Variants in TACC1 observed in about 807,000 individuals in gnomAD.
The protein encoded by TACC1 is transforming acidic coiled-coil-containing protein 1.
A neutral mutation model predicts 84.4 loss-of-function variants in TACC1; 48 were observed. The observed-to-expected ratio is 0.57, with a 90% CI of 0.45 to 0.72. The LOEUF is 0.72. Ranked by LOEUF, TACC1 falls within the 30% of genes least tolerant of loss-of-function variation. TACC1 has a pLI of 0.00. For synonymous variants in TACC1, 372 were observed against 376.3 expected, an observed-to-expected ratio of 0.99 and a Z score of 0.13; for missense variants, 920 against 973.0, an observed-to-expected ratio of 0.95 and a Z score of 0.72.
At chr8:38,744,923 T>C (rs58723874) in exon 3 of TACC1, 32,382 of 152,154 alleles carry the variant, frequency 0.21, 3,974 homozygotes, top group Non-Finnish European at 0.27. Context: ...GGACATGATA[T>C]ACAAAGTGAC....
chr8:38,730,578 G>A (rs561629863), intron 1 of TACC1, among the ~76,000 whole-genome samples: 17 of 152,178 alleles, frequency 1.1e-4, no homozygotes, highest in African/African-American at 3.1e-4. Context: ...TGTGTGGAGC[G>A]GAAAGGAAGA....
chr8:38,735,915 C>G (rs993478261), intron 1 of TACC1, among the ~76,000 whole-genome samples: 1 of 152,220 alleles, frequency 6.6e-6, no homozygotes, highest in African/African-American at 2.4e-5. Flanking sequence ...TGTGGCTGCT[C>G]TAACTAATGA....
intron 2 of TACC1, among the ~76,000 whole-genome samples, chr8:38,818,014 T>C: frequency 6.6e-6 from 1 of 151,406 alleles, no homozygotes; most frequent in East Asian, 1.9e-4. Context: ...GGCAGATTGC[T>C]TGAGCCCAGT....
intron 4 of TACC1, 56 bp downstream of exon 4, chr8:38,825,424 G>A (rs1827828156): frequency 1.3e-6 from 2 of 1,590,604 alleles, no homozygotes. Context: ...TCCAGTGGGA[G>A]TTTGCATCCC....
intron 6 of TACC1, among the ~76,000 whole-genome samples, chr8:38,834,965 T>C (rs542428377): frequency 6.6e-6 from 1 of 152,272 alleles, no homozygotes; most frequent in East Asian, 1.9e-4. Flanking sequence ...ATAAAAAGTT[T>C]ACTTCTGGCC....
chr8:38,775,844 G>T (rs941505109), intron 3 of TACC1, among the ~76,000 whole-genome samples: 1 of 152,190 alleles, frequency 6.6e-6, no homozygotes, highest in African/African-American at 2.4e-5. Flanking sequence ...ACATGATGAG[G>T]TACAGGGAAG....
intron 3 of TACC1, among the ~76,000 whole-genome samples, chr8:38,775,462 G>A (rs1814630747): frequency 6.6e-6 from 1 of 152,176 alleles, no homozygotes; most frequent in Non-Finnish European, 1.5e-5. Context: ...TGGAAGTTCT[G>A]GAGGATGGAG....
At chr8:38,802,741 TG>T (rs1408652663) in intron 2 of TACC1, among the ~76,000 whole-genome samples, 48 of 152,154 alleles carry the variant, frequency 3.2e-4, no homozygotes, top group Non-Finnish European at 1.0e-4. Context: ...GTGGAGCAGG[TG>T]TGTCACATGG....
At chr8:38,811,253 AC>A (rs869079914) in intron 2 of TACC1, among the ~76,000 whole-genome samples, 2 of 1,066 alleles carry the variant, frequency 1.9e-3, no homozygotes, top group Admixed American at 0.059. Flanking sequence ...CCCCACTCCA[AC>A]TAGTCCCCAA....
At chr8:38,749,680 C>T (rs1240688685) in intron 3 of TACC1, among the ~76,000 whole-genome samples, 1 of 152,080 alleles carries the variant, frequency 6.6e-6, no homozygotes, top group African/African-American at 2.4e-5. Flanking sequence ...TAACCTCTGC[C>T]TCCCAGGTTC....
intron 10 of TACC1, among the ~76,000 whole-genome samples, 197 bp downstream of exon 10, chr8:38,842,644 T>C (rs1831487777): frequency 6.6e-6 from 1 of 152,250 alleles, no homozygotes. Context: ...TTCAGGCATC[T>C]GGCCCACTGG....
intron 3 of TACC1, among the ~76,000 whole-genome samples, chr8:38,755,549 A>AG (rs1348254946): frequency 6.6e-6 from 1 of 151,556 alleles, no homozygotes; most frequent in Non-Finnish European, 1.5e-5. Flanking sequence ...CCAAAAAAAA[A>AG]GAAAATTAGC....
chr8:38,842,932 A>C (rs1831535763), intron 10 of TACC1, among the ~76,000 whole-genome samples: 1 of 152,258 alleles, frequency 6.6e-6, no homozygotes, highest in African/African-American at 2.4e-5. Context: ...TATCAACCAG[A>C]CACAATTATA....
At chr8:38,824,280 T>A (rs1451542473) in intron 3 of TACC1, among the ~76,000 whole-genome samples, 1 of 152,214 alleles carries the variant, frequency 6.6e-6, no homozygotes, top group African/African-American at 2.4e-5. Context: ...CACGTGGCGC[T>A]TTGACAATAC....
intron 2 of TACC1, among the ~76,000 whole-genome samples, chr8:38,794,021 G>A (rs1819382085): frequency 6.6e-6 from 1 of 152,200 alleles, no homozygotes; most frequent in South Asian, 2.1e-4. Flanking sequence ...ATGAACTGTG[G>A]GCGTGAGGTG....
rs1817443063 is a variant in TACC1 at position 38,787,288 on chromosome 8, G to C, written c.-295G>C. 1 of 1,036,446 alleles carries C rather than the reference G, an allele frequency of 9.6e-7. No individual in the cohort carries two copies. Among genetic ancestry groups the C allele is most frequent in the Non-Finnish European group, 1.2e-6 (1 of 842,744 alleles). 64.2% of individuals were successfully genotyped at this position (1,036,446 alleles called of 1,614,324 possible). A position where few individuals can be genotyped will look rare whatever the true frequency, so the allele number is the denominator to read the frequency against. ...CAGAGGTCTAGCAGCCGGGCGCCGC[G>C]GGCCGGGGGCCTGAGGAGGCCACAG... On this transcript the variant is annotated 5_prime_UTR_variant, in exon 1 of 13. Coordinates refer to ENST00000317827, the MANE Select transcript of TACC1 (RefSeq NM_006283.3).
chr8:38,851,771 G>T lies in TACC1; in HGVS notation c.*3748G>T. On this transcript the variant is annotated 3_prime_UTR_variant, in exon 13 of 13. Transcript: ENST00000317827. The stretch of plus-strand genomic sequence containing the variant: ...TTCAAGCGAGGGATTTTAAAGTAAA[G>T]ATGTATTTATTCTGAAGAATCTAAA... 1 of 344,578 alleles carries T rather than the reference G, an allele frequency of 2.9e-6. No homozygotes were observed. Among genetic ancestry groups the T allele is most frequent in the Non-Finnish European group, 5.8e-6 (1 of 171,586 alleles). 21.3% of individuals were successfully genotyped at this position (344,578 alleles called of 1,614,324 possible).
Position 38,851,253 on chromosome 8 carries a change from T to C in TACC1, c.*3230T>C, listed in dbSNP as rs1833047503. The C allele has an allele frequency of 6.6e-6, 1 of 152,224 alleles. No homozygotes were observed. The highest frequency in any genetic ancestry group is 2.1e-4 in the South Asian group (1 of 4,836). The allele number at this position is 152,224 out of a possible 1,614,324, so 9.4% of individuals were successfully genotyped here. A position where few individuals can be genotyped will look rare whatever the true frequency, so the allele number is the denominator to read the frequency against. ...GTTTCGTTTTGGAGGATAGCTCAAGTTGAATTTTCTTTCCAGCCAGTTACC... is the reference window on the plus strand; with the variant it reads ...GTTTCGTTTTGGAGGATAGCTCAAGCTGAATTTTCTTTCCAGCCAGTTACC... On this transcript the variant is annotated 3_prime_UTR_variant, in exon 13 of 13. Transcript: ENST00000317827.
chr8:38,845,337 T>A (rs1371945693), intron 11 of TACC1, among the ~76,000 whole-genome samples: 1 of 152,232 alleles, frequency 6.6e-6, no homozygotes, highest in Non-Finnish European at 1.5e-5. Flanking sequence ...CATAGTACTG[T>A]ATTAGATTTC....
Sources: gnomAD v4.1 joint callset for allele counts (sites outside exome capture counted in the v4.1 genomes callset) on GRCh38, gnomAD v4.1.1 for gene constraint, MANE v1.5 for transcripts, NCBI Gene and HGNC (gene_info 2026-07-23, HGNC 2026-07-21) for gene names.